The following DNAH12 variants were observed in gnomAD, a reference collection of about 807,000 sequenced individuals.
The protein encoded by DNAH12 is dynein axonemal heavy chain 12, also known as axonemal beta dynein heavy chain 12.
Under a neutral mutation model 371.5 loss-of-function variants are expected in DNAH12, and 285 were observed. The observed-to-expected ratio is 0.77, with a 90% CI of 0.70 to 0.85. DNAH12 has a LOEUF of 0.85. DNAH12 is among the 40% of genes least tolerant of loss of function. The pLI is 0.00. For missense variants in DNAH12, 3,611 were observed against 3,689.4 expected (o/e 0.98, Z 0.55); for synonymous variants, 1,200 against 1,213.0 (o/e 0.99, Z 0.22).
rs553146677 is a variant in DNAH12, at chr3:57,526,817, C to T, written c.171-2933G>A. ...GGATTATAGGCGTGAGCACTGCGCCCGGCCTCTTTTTTGTTGTTGTTGTTG... is the reference window on the plus strand; with the variant it reads ...GGATTATAGGCGTGAGCACTGCGCCTGGCCTCTTTTTTGTTGTTGTTGTTG... On this transcript the variant is annotated intron_variant, in intron 2 of 73. Transcript: ENST00000495027. Among the ~76,000 whole-genome samples the T allele has an allele frequency of 1.6e-4, 25 of 151,724 alleles. No individual in the cohort carries two copies. The South Asian group carries it at 2.7e-3, about 16-fold the overall frequency.
intron 13 of DNAH12, among the ~76,000 whole-genome samples, chr3:57,476,006 T>C (rs550234574): frequency 1.3e-5 from 2 of 152,124 alleles, no homozygotes; most frequent in East Asian, 1.9e-4. Flanking sequence ...CAACCAAATA[T>C]CCAGAACAGT....
At chr3:57,430,314 A>G (rs985795207) in intron 32 of DNAH12, among the ~76,000 whole-genome samples, 4 of 152,176 alleles carry the variant, frequency 2.6e-5, no homozygotes, top group Non-Finnish European at 4.4e-5. Flanking sequence ...TTTCCAAAAA[A>G]TAAGTATATT....
At chr3:57,372,171 T>C (rs1299534852) in intron 55 of DNAH12, among the ~76,000 whole-genome samples, 4 of 152,034 alleles carry the variant, frequency 2.6e-5, no homozygotes, top group Non-Finnish European at 4.4e-5. Flanking sequence ...ATGTTTAAAG[T>C]GATGAATACC....
chr3:57,473,989 C>G (rs962204959), intron 13 of DNAH12, among the ~76,000 whole-genome samples: 2 of 152,024 alleles, frequency 1.3e-5, no homozygotes, highest in African/African-American at 4.8e-5. Flanking sequence ...ACTAATCTGG[C>G]AAAAGTACCT....
At chr3:57,427,943 T>C (rs1388937260) in intron 34 of DNAH12, among the ~76,000 whole-genome samples, 2 of 151,870 alleles carry the variant, frequency 1.3e-5, no homozygotes, top group Non-Finnish European at 2.9e-5. Context: ...GTTTTTTTTT[T>C]TCTGAGACGG....
rs867517637 is a variant in DNAH12, at chr3:57,433,409, CAA to C, written c.4936_4937del (p.Leu1646ValfsTer11). ...WVVFDGPIDT[L>X]WIESMNTVLD... ...ATACTGTGTTCATGCTCTCTATCCACAAAGTGTCAATAGGACCATCAAATACA... is the reference window on the plus strand; with the variant it reads ...ATACTGTGTTCATGCTCTCTATCCACAGTGTCAATAGGACCATCAAATACA... On this transcript the variant is annotated frameshift_variant, in exon 32 of 74. Coordinates refer to ENST00000495027, the MANE Select transcript of DNAH12 (RefSeq NM_001366028.2). LOFTEE classifies it high-confidence loss of function. 11 of 1,551,328 alleles carry C rather than the reference CAA, an allele frequency of 7.1e-6. No individual in the cohort carries two copies. The Admixed American group carries it at 1.6e-4, about 22-fold the overall frequency.
chr3:57,369,616 G>A lies in DNAH12; in HGVS notation c.8760-1356C>T, dbSNP rs930393123. 4.1e-3 allele frequency among the ~76,000 whole-genome samples: 622 copies of A among 151,948 alleles called. 6 individuals carry two copies. Among genetic ancestry groups the A allele is most frequent in the African/African-American group, 0.014 (585 of 41,450 alleles). On this transcript the variant is annotated intron_variant, in intron 55 of 73. Coordinates refer to ENST00000495027, the MANE Select transcript of DNAH12 (RefSeq NM_001366028.2). ...ACCTAAAGTACAAAAAGGTCCAGAC[G>A]GTACTTAAAATCTACTTTTCCTACC...
At position 57,294,514 on chromosome 3, in the gene DNAH12, G is replaced by A. The variant is rs533109711; in HGVS notation, c.11693-543C>T. On this transcript the variant is annotated intron_variant, in intron 73 of 73. Transcript: ENST00000495027. ...CGTATGGTGCATGATTCTAGGTGTG[G>A]AAGACAGGAATAGACTTTAAAGTTC... Among the ~76,000 whole-genome samples, 4 of 152,260 alleles carry A rather than the reference G, an allele frequency of 2.6e-5. No homozygotes were observed. The East Asian group carries it at 7.7e-4, about 29-fold the overall frequency.
chr3:57,445,155 G>A lies in DNAH12; in HGVS notation c.4425+19C>T, dbSNP rs986656050. 1 of 1,509,198 alleles carries A rather than the reference G, an allele frequency of 6.6e-7. No individual in the cohort carries two copies. Among genetic ancestry groups the A allele is most frequent in the Non-Finnish European group, 8.9e-7 (1 of 1,124,242 alleles). 93.5% of individuals were successfully genotyped at this position (1,509,198 alleles called of 1,614,324 possible). A position where few individuals can be genotyped will look rare whatever the true frequency, so the allele number is the denominator to read the frequency against. Reference sequence around the variant, plus strand: ...ATCTTTCTACTGAAACTTTCCCAATGTGTATATTTAATACTTACAAGTATA... The same window carrying A: ...ATCTTTCTACTGAAACTTTCCCAATATGTATATTTAATACTTACAAGTATA... On this transcript the variant is annotated intron_variant, in intron 28 of 73. Transcript: ENST00000495027.
intron 16 of DNAH12, among the ~76,000 whole-genome samples, chr3:57,470,048 G>A (rs1291312507): frequency 6.6e-6 from 1 of 151,894 alleles, no homozygotes. Context: ...CTAATTTTGG[G>A]GGTAAACATT....
intron 70 of DNAH12, among the ~76,000 whole-genome samples, chr3:57,301,504 A>G (rs940811705): frequency 1.3e-5 from 2 of 152,048 alleles, no homozygotes; most frequent in African/African-American, 4.8e-5. Context: ...TGAAATGTGT[A>G]TATTTTTCAA....
intron 67 of DNAH12, 98 bp downstream of exon 67, chr3:57,310,619 A>C (rs2061564337): frequency 1.2e-6 from 1 of 817,850 alleles, no homozygotes; most frequent in African/African-American, 1.7e-5. Context: ...TAAAACCATA[A>C]TATTTGTCTA....
intron 17 of DNAH12, among the ~76,000 whole-genome samples, chr3:57,465,117 A>G (rs933921838): frequency 6.6e-6 from 1 of 152,290 alleles, no homozygotes; most frequent in African/African-American, 2.4e-5. Flanking sequence ...ATTGGCCCAC[A>G]TTAGCTCAGG....
rs34135477 is a variant in DNAH12 at position 57,333,329 on chromosome 3, C to CTTTTTTTTTTTTT, written c.9978+1123_9978+1135dup. ...CGGATACATGTTCTTTTTAAGGCAA[C>CTTTTTTTTTTTTT]TTTTTTTTTTTTTTTTTTTTAGATG... On this transcript the variant is annotated intron_variant, in intron 62 of 73. Transcript: ENST00000495027. Among the ~76,000 whole-genome samples, 245 of 111,054 alleles carry CTTTTTTTTTTTTT rather than the reference C, an allele frequency of 2.2e-3. 25 individuals carry two copies. Among genetic ancestry groups the CTTTTTTTTTTTTT allele is most frequent in the African/African-American group, 0.011 (233 of 21,890 alleles). 72.9% of individuals were successfully genotyped at this position (111,054 alleles called of 152,430 possible). A position where few individuals can be genotyped will look rare whatever the true frequency, so the allele number is the denominator to read the frequency against.
chr3:57,392,406 T>C (rs1432436952), intron 44 of DNAH12, among the ~76,000 whole-genome samples: 1 of 152,170 alleles, frequency 6.6e-6, no homozygotes, highest in Non-Finnish European at 1.5e-5. Context: ...GTTATAAATG[T>C]AAAATATCCA....
chr3:57,469,530 C>T (rs7622260), intron 16 of DNAH12, among the ~76,000 whole-genome samples: 104,966 of 152,044 alleles, frequency 0.69, 36,444 homozygotes, highest in South Asian at 0.8. Flanking sequence ...CACATGTACT[C>T]GTCTGTTCAT....
intron 26 of DNAH12, 23 bp from the exon 27 acceptor site, chr3:57,446,293 G>A: frequency 1.3e-6 from 2 of 1,538,632 alleles, no homozygotes; most frequent in South Asian, 1.2e-5. Context: ...AAAAAGGAAA[G>A]TGATTTTTTT....
In DNAH12 at chr3:57,309,877, T is replaced by C. The variant is rs764454764; in HGVS notation, c.10897-23A>G. 2.6e-6 allele frequency: 4 copies of C among 1,538,472 alleles called. No homozygotes were observed. In the South Asian group the frequency reaches 4.9e-5, roughly 19 times the overall value. On this transcript the variant is annotated intron_variant, in intron 67 of 73. Transcript: ENST00000495027. ...TTTCTACCAGAAAACAAATTAAGCA[T>C]GCATCATATTTTCCCTGGATACTGA... is the stretch of plus-strand genomic sequence containing the variant.
chr3:57,534,470 G>T (rs1559759753), intron 2 of DNAH12, among the ~76,000 whole-genome samples: 2 of 147,460 alleles, frequency 1.4e-5, no homozygotes, highest in Non-Finnish European at 3.0e-5. Flanking sequence ...CCACCACCAT[G>T]ATCACTTTCT....
Sources: allele counts gnomAD v4.1 joint callset (sites outside exome capture counted in the v4.1 genomes callset), GRCh38; gene constraint gnomAD v4.1.1; transcripts MANE v1.5; gene names NCBI Gene and HGNC (gene_info 2026-07-23, HGNC 2026-07-21).